The following RICTOR variants were observed in gnomAD, a reference collection of about 807,000 sequenced individuals.
The protein encoded by RICTOR is RPTOR independent companion of MTOR complex 2.
RICTOR carries 49 observed loss-of-function variants against 214.9 expected under a neutral mutation model. That is an observed-to-expected ratio of 0.23 (90% CI 0.18 to 0.29). The LOEUF (loss-of-function observed/expected upper bound fraction) is 0.29, where lower values mean the gene tolerates loss of function less well. RICTOR is among the 10% of genes least tolerant of loss of function. The pLI, the probability that RICTOR is intolerant of heterozygous loss-of-function variation, is 1.00. For synonymous variants in RICTOR, 717 were observed against 711.3 expected, an observed-to-expected ratio of 1.01 and a Z score of -0.13; for missense variants, 1,625 against 2,047.0, an observed-to-expected ratio of 0.79 and a Z score of 3.98.
At chr5:39,073,893 G>A (rs930175702) in intron 2 of RICTOR, among the ~76,000 whole-genome samples, 4 of 152,036 alleles carry the variant, frequency 2.6e-5, no homozygotes, top group Non-Finnish European at 5.9e-5. Flanking sequence ...GAGGCCCGGA[G>A]AAGGGCTCGG....
intron 2 of RICTOR, among the ~76,000 whole-genome samples, chr5:39,033,359 G>A (rs564321999): frequency 2.3e-4 from 35 of 152,128 alleles, no homozygotes; most frequent in African/African-American, 8.2e-4. Flanking sequence ...TGCCTCCTGG[G>A]TTCAAGCAAT....
At chr5:39,040,256 G>A (rs1393282014) in intron 2 of RICTOR, among the ~76,000 whole-genome samples, 8 of 139,302 alleles carry the variant, frequency 5.7e-5, no homozygotes. Flanking sequence ...TCATAGGTGG[G>A]AACTGAACAA....
chr5:38,989,330 T>C (rs531654333), intron 7 of RICTOR, among the ~76,000 whole-genome samples: 10 of 152,214 alleles, frequency 6.6e-5, no homozygotes, highest in Non-Finnish European at 2.9e-5. Context: ...AAACTGAAAC[T>C]GGACCCCTTT....
chr5:39,004,976 T>C (rs915995688), intron 3 of RICTOR, among the ~76,000 whole-genome samples: 7 of 152,028 alleles, frequency 4.6e-5, no homozygotes, highest in Admixed American at 6.6e-5. Context: ...AGACAGGGTT[T>C]CTCCATGTTG....
intron 2 of RICTOR, among the ~76,000 whole-genome samples, chr5:39,027,323 T>C (rs1408494259): frequency 6.6e-6 from 1 of 152,184 alleles, no homozygotes; most frequent in Non-Finnish European, 1.5e-5. Context: ...TGATGATTTA[T>C]TTTTATATCT....
At chr5:39,055,674 G>A (rs1358829581) in intron 2 of RICTOR, among the ~76,000 whole-genome samples, 1 of 152,088 alleles carries the variant, frequency 6.6e-6, no homozygotes, top group African/African-American at 2.4e-5. Flanking sequence ...CCAATTGTAA[G>A]AAAGGTAAAA....
chr5:39,062,581 T>C (rs1449317546), intron 2 of RICTOR, among the ~76,000 whole-genome samples: 1 of 152,126 alleles, frequency 6.6e-6, no homozygotes, highest in Non-Finnish European at 1.5e-5. Context: ...TTTTAAGATG[T>C]GATTTTTTGA....
At chr5:38,993,096 T>C (rs1193828708) in intron 6 of RICTOR, among the ~76,000 whole-genome samples, 1 of 152,094 alleles carries the variant, frequency 6.6e-6, no homozygotes, top group African/African-American at 2.4e-5. Flanking sequence ...ATAAAAATAG[T>C]TGGCTGGACC....
intron 2 of RICTOR, among the ~76,000 whole-genome samples, chr5:39,037,880 T>C (rs1274289711): frequency 6.6e-6 from 1 of 152,142 alleles, no homozygotes; most frequent in African/African-American, 2.4e-5. Context: ...AGCCAAGTTC[T>C]ACCAGAAGTA....
At chr5:38,997,621 T>C (rs1401513990) in intron 5 of RICTOR, among the ~76,000 whole-genome samples, 1 of 152,112 alleles carries the variant, frequency 6.6e-6, no homozygotes, top group Non-Finnish European at 1.5e-5. Context: ...TGAGAGGTTC[T>C]GACTGTCTTC....
At chr5:39,063,235 C>T (rs757549533) in intron 2 of RICTOR, among the ~76,000 whole-genome samples, 2 of 152,112 alleles carry the variant, frequency 1.3e-5, no homozygotes, top group East Asian at 1.9e-4. Flanking sequence ...CACAAGTACA[C>T]GCAAACAATT....
chr5:38,943,826 A>G lies in RICTOR; in HGVS notation c.4913+620T>C, dbSNP rs533822453. ...AGACTCCGTCTCAAAAAAGAAATAC[A>G]AAATACAAAATAAAAAAGCCCTGCA... On this transcript the variant is annotated intron_variant, in intron 36 of 37. Transcript: ENST00000357387. Among the ~76,000 whole-genome samples, 6 of 152,258 alleles carry G rather than the reference A, an allele frequency of 3.9e-5. No individual in the cohort carries two copies. In the East Asian group the frequency reaches 1.2e-3, roughly 29 times the overall value.
rs530932195 is a variant in RICTOR at position 39,020,536 on chromosome 5, C to T, written c.195+503G>A. The stretch of plus-strand genomic sequence containing the variant: ...ATCAATATTTTTAAATTAAGGTACA[C>T]GCATTTTTTAAAAACATAATGCTAT... On this transcript the variant is annotated intron_variant, in intron 3 of 37. Coordinates refer to ENST00000357387, the MANE Select transcript of RICTOR (RefSeq NM_152756.5). 1.8e-4 allele frequency among the ~76,000 whole-genome samples: 28 copies of T among 152,240 alleles called. 1 individual carries two copies. In the South Asian group the frequency reaches 2.7e-3, roughly 15 times the overall value.
chr5:39,049,125 C>T (rs993421826), intron 2 of RICTOR, among the ~76,000 whole-genome samples: 3 of 152,012 alleles, frequency 2.0e-5, no homozygotes, highest in African/African-American at 7.2e-5. Context: ...CTACAATGCT[C>T]CCAAGCAGCA....
At chr5:38,977,744 C>T (rs1297883180) in intron 9 of RICTOR, among the ~76,000 whole-genome samples, 1 of 151,708 alleles carries the variant, frequency 6.6e-6, no homozygotes, top group East Asian at 1.9e-4. Context: ...TACCCATGCC[C>T]AGCTAATTTT....
At chr5:39,025,442 T>A (rs1755739732) in intron 2 of RICTOR, among the ~76,000 whole-genome samples, 1 of 152,276 alleles carries the variant, frequency 6.6e-6, no homozygotes, top group Non-Finnish European at 1.5e-5. Flanking sequence ...AAGTCTCCAA[T>A]GCAGCTATGC....
intron 2 of RICTOR, among the ~76,000 whole-genome samples, chr5:39,038,537 T>G (rs1756916491): frequency 6.6e-6 from 1 of 152,214 alleles, no homozygotes; most frequent in Non-Finnish European, 1.5e-5. Flanking sequence ...ACTGTCCCTG[T>G]TTGCAGATGA....
intron 7 of RICTOR, among the ~76,000 whole-genome samples, chr5:38,984,906 G>C (rs1210707583): frequency 1.3e-5 from 2 of 151,910 alleles, no homozygotes; most frequent in Admixed American, 1.3e-4. Flanking sequence ...TGCAACCTCC[G>C]CCTCCCGGGT....
At chr5:39,008,014 T>G (rs1473171895) in intron 3 of RICTOR, among the ~76,000 whole-genome samples, 1 of 151,670 alleles carries the variant, frequency 6.6e-6, no homozygotes, top group Admixed American at 6.6e-5. Flanking sequence ...AAGTACAAGA[T>G]GCTTATGACA....
Sources: gnomAD v4.1 joint callset for allele counts (sites outside exome capture counted in the v4.1 genomes callset) on GRCh38, gnomAD v4.1.1 for gene constraint, MANE v1.5 for transcripts, NCBI Gene and HGNC (gene_info 2026-07-23, HGNC 2026-07-21) for gene names.